Variants in CCSER1 observed in about 807,000 individuals in gnomAD.
CCSER1 encodes coiled-coil serine rich protein 1.
CCSER1 carries 41 observed loss-of-function variants against 82.0 expected under a neutral mutation model. The ratio of observed to expected loss-of-function variants is 0.50; its 90% CI spans 0.39 to 0.65. The LOEUF (loss-of-function observed/expected upper bound fraction) is 0.65, where lower values mean the gene tolerates loss of function less well. Ranked by LOEUF, CCSER1 falls within the 30% of genes least tolerant of loss-of-function variation. The pLI, the probability that CCSER1 is intolerant of heterozygous loss-of-function variation, is 0.00. For synonymous variants in CCSER1, 414 were observed against 383.9 expected (o/e 1.08, Z -0.92); for missense variants, 1,119 against 1,064.2 (o/e 1.05, Z -0.72).
chr4:91,163,037 T>C (rs1731610059), intron 10 of CCSER1, among the ~76,000 whole-genome samples: 1 of 152,254 alleles, frequency 6.6e-6, no homozygotes, highest in South Asian at 2.1e-4. Context: ...CTGTCAATTT[T>C]ACATATTCCC....
rs146076518 is a variant in CCSER1, at chr4:91,397,197, A to C, written c.2218-201375A>C. Among the ~76,000 whole-genome samples the C allele has an allele frequency of 7.1e-4, 108 of 152,174 alleles. 1 individual carries two copies. The East Asian group carries it at 0.02, about 28-fold the overall frequency. ...TAAATGATTTATTTCTGCATTTAAG[A>C]AATTCTAGACTGAGTACTACTATGT... On this transcript the variant is annotated intron_variant, in intron 10 of 10. Transcript: ENST00000509176.
chr4:91,538,649 T>C (rs955893785), intron 10 of CCSER1, among the ~76,000 whole-genome samples: 1 of 141,804 alleles, frequency 7.1e-6, no homozygotes, highest in African/African-American at 2.6e-5. Flanking sequence ...TATACAAACA[T>C]AAATTTTAGT....
chr4:90,170,206 A>G (rs1286133372), intron 1 of CCSER1, among the ~76,000 whole-genome samples: 1 of 152,036 alleles, frequency 6.6e-6, no homozygotes, highest in African/African-American at 2.4e-5. Context: ...CAGATAGTAT[A>G]TCTACAAATA....
intron 5 of CCSER1, among the ~76,000 whole-genome samples, chr4:90,520,881 T>G (rs1016735632): frequency 1.3e-5 from 2 of 152,192 alleles, no homozygotes; most frequent in African/African-American, 4.8e-5. Flanking sequence ...GAGGTCAGCC[T>G]GGACAACGGA....
chr4:90,238,666 G>A (rs368246866), intron 1 of CCSER1, among the ~76,000 whole-genome samples: 10 of 151,902 alleles, frequency 6.6e-5, no homozygotes, highest in African/African-American at 2.4e-4. Context: ...CAACTCGTGC[G>A]CACATACACA....
At chr4:91,036,978 C>T (rs1159746935) in intron 9 of CCSER1, among the ~76,000 whole-genome samples, 3 of 151,782 alleles carry the variant, frequency 2.0e-5, no homozygotes, top group Admixed American at 6.6e-5. Flanking sequence ...TCAGGAGGCT[C>T]AGGTGGGAGA....
intron 10 of CCSER1, among the ~76,000 whole-genome samples, chr4:91,191,354 C>T (rs1734979988): frequency 6.6e-6 from 1 of 152,142 alleles, no homozygotes; most frequent in Non-Finnish European, 1.5e-5. Flanking sequence ...TTGATTTCTG[C>T]ATCAAGCTTT....
At chr4:91,432,780 A>C (rs1378643651) in intron 10 of CCSER1, among the ~76,000 whole-genome samples, 1 of 152,178 alleles carries the variant, frequency 6.6e-6, no homozygotes, top group Non-Finnish European at 1.5e-5. Flanking sequence ...CTTTGTAGTA[A>C]TAGAACTTCT....
intron 2 of CCSER1, among the ~76,000 whole-genome samples, chr4:90,311,779 T>C (rs1735326932): frequency 6.6e-6 from 1 of 152,236 alleles, no homozygotes; most frequent in Non-Finnish European, 1.5e-5. Flanking sequence ...ATTGGACTAA[T>C]AGATTCTGGA....
chr4:91,335,814 TTTAGAG>T (rs1258094691), intron 10 of CCSER1, among the ~76,000 whole-genome samples: 2 of 152,196 alleles, frequency 1.3e-5, no homozygotes, highest in African/African-American at 4.8e-5. Context: ...TAGGATTTTT[TTTAGAG>T]TTAGAGACAA....
intron 5 of CCSER1, among the ~76,000 whole-genome samples, chr4:90,575,757 C>T (rs565976487): frequency 3.0e-4 from 46 of 152,264 alleles, no homozygotes; most frequent in Admixed American, 1.2e-3. Context: ...TAAATGCCTT[C>T]ATTCTACTTT....
chr4:90,748,961 C>A lies in CCSER1; in HGVS notation c.2010+24970C>A, dbSNP rs543469608. ...AGCCCTTTGTCAGATGAGTAGGTTG[C>A]GAAAATTTTCTCCCATTTTGTAGGT... On this transcript the variant is annotated intron_variant, in intron 7 of 10. Coordinates refer to ENST00000509176, the MANE Select transcript of CCSER1 (RefSeq NM_001145065.2). Among the ~76,000 whole-genome samples the A allele has an allele frequency of 5.0e-3, 755 of 149,900 alleles. 4 individuals are homozygous for A. Among genetic ancestry groups the A allele is most frequent in the Non-Finnish European group, 6.9e-3 (461 of 67,120 alleles).
At chr4:90,590,819 T>C (rs1200656643) in intron 5 of CCSER1, among the ~76,000 whole-genome samples, 1 of 152,232 alleles carries the variant, frequency 6.6e-6, no homozygotes, top group Non-Finnish European at 1.5e-5. Context: ...AAGTAGTTTT[T>C]TCTAGTTCTT....
At chr4:90,277,138 G>A (rs1006795606) in intron 1 of CCSER1, among the ~76,000 whole-genome samples, 4 of 151,930 alleles carry the variant, frequency 2.6e-5, no homozygotes, top group African/African-American at 9.7e-5. Context: ...AATACGAGTG[G>A]TTAGAGTGGG....
chr4:90,981,583 A>G (rs1736117094), intron 9 of CCSER1, among the ~76,000 whole-genome samples: 1 of 151,842 alleles, frequency 6.6e-6, no homozygotes, highest in African/African-American at 2.4e-5. Flanking sequence ...TGATTTACTC[A>G]TGAACTCCAA....
intron 10 of CCSER1, among the ~76,000 whole-genome samples, chr4:91,450,519 C>G (rs1427351300): frequency 6.6e-6 from 1 of 152,042 alleles, no homozygotes; most frequent in Non-Finnish European, 1.5e-5. Flanking sequence ...GTATAGTAAT[C>G]TTGGAGTGAG....
At chr4:91,025,601 A>C (rs1305738466) in intron 9 of CCSER1, among the ~76,000 whole-genome samples, 1 of 152,112 alleles carries the variant, frequency 6.6e-6, no homozygotes, top group East Asian at 1.9e-4. Context: ...ATTTTGTGGC[A>C]AAGCTGAACC....
intron 10 of CCSER1, among the ~76,000 whole-genome samples, chr4:91,273,648 G>A (rs1742208232): frequency 6.6e-6 from 1 of 152,082 alleles, no homozygotes; most frequent in Non-Finnish European, 1.5e-5. Context: ...CTGTATTGAA[G>A]AGGAGTGGTG....
intron 10 of CCSER1, among the ~76,000 whole-genome samples, chr4:91,438,529 G>T: frequency 6.6e-6 from 1 of 152,066 alleles, no homozygotes; most frequent in Non-Finnish European, 1.5e-5. Flanking sequence ...CACAAAGATG[G>T]GGAAAAAACA....
Sources: allele counts gnomAD v4.1 joint callset (sites outside exome capture counted in the v4.1 genomes callset), GRCh38; gene constraint gnomAD v4.1.1; transcripts MANE v1.5; gene names NCBI Gene and HGNC (gene_info 2026-07-23, HGNC 2026-07-21).